CDKAL1: variants seen among roughly 807,000 people sequenced by gnomAD.
CDKAL1 encodes the protein CDKAL1 threonylcarbamoyladenosine tRNA methylthiotransferase.
In CDKAL1, 32 loss-of-function variants were observed where a neutral mutation model predicts 68.2. The ratio of observed to expected loss-of-function variants is 0.47; its 90% CI spans 0.35 to 0.63. The LOEUF (loss-of-function observed/expected upper bound fraction) is 0.63, where lower values mean the gene tolerates loss of function less well. Ranked by LOEUF, CDKAL1 falls within the 30% of genes least tolerant of loss-of-function variation. The pLI, the probability that CDKAL1 is intolerant of heterozygous loss-of-function variation, is 0.00. For synonymous variants in CDKAL1, 234 were observed against 244.3 expected, an observed-to-expected ratio of 0.96 and a Z score of 0.39; for missense variants, 606 against 696.7, an observed-to-expected ratio of 0.87 and a Z score of 1.47.
At chr6:20,556,505 A>G (rs1325092502) in intron 4 of CDKAL1, among the ~76,000 whole-genome samples, 4 of 152,222 alleles carry the variant, frequency 2.6e-5, no homozygotes, top group Non-Finnish European at 4.4e-5. Flanking sequence ...TGGAAATTCT[A>G]GTGGATTCAA....
chr6:21,053,689 T>G (rs1244169136), intron 11 of CDKAL1, among the ~76,000 whole-genome samples: 2 of 152,160 alleles, frequency 1.3e-5, no homozygotes, highest in Non-Finnish European at 2.9e-5. Context: ...GCATTTTACA[T>G]GGTTTTAACT....
chr6:20,921,093 G>A (rs1037045551), intron 9 of CDKAL1, among the ~76,000 whole-genome samples: 17 of 152,050 alleles, frequency 1.1e-4, no homozygotes, highest in African/African-American at 2.2e-4. Context: ...TCTTTGAGCC[G>A]TACACACCCC....
At chr6:20,962,253 T>A (rs1765094788) in intron 10 of CDKAL1, among the ~76,000 whole-genome samples, 1 of 152,244 alleles carries the variant, frequency 6.6e-6, no homozygotes, top group South Asian at 2.1e-4. Context: ...TTGCTCAAGA[T>A]TTATAGCTAG....
At chr6:21,217,881 C>T (rs535503945) in intron 15 of CDKAL1, among the ~76,000 whole-genome samples, 209 of 152,294 alleles carry the variant, frequency 1.4e-3, no homozygotes, top group African/African-American at 4.9e-3. Flanking sequence ...CTTTGGCCTC[C>T]CAAAGTACTG....
chr6:20,762,656 A>AT (rs1288079724), intron 7 of CDKAL1, among the ~76,000 whole-genome samples: 1 of 152,226 alleles, frequency 6.6e-6, no homozygotes, highest in Admixed American at 6.5e-5. Context: ...TCAGCTTAAA[A>AT]TGGTCAGGAT....
chr6:20,631,156 C>G (rs1394118569), intron 4 of CDKAL1, among the ~76,000 whole-genome samples: 1 of 152,182 alleles, frequency 6.6e-6, no homozygotes, highest in African/African-American at 2.4e-5. Context: ...TTTTGAAGTT[C>G]TGCCCACCTG....
chr6:20,915,068 C>T (rs1476775864), intron 9 of CDKAL1, among the ~76,000 whole-genome samples: 3 of 151,626 alleles, frequency 2.0e-5, no homozygotes, highest in African/African-American at 4.8e-5. Context: ...CCATTAAACT[C>T]TTAATCCTTA....
At chr6:20,985,779 G>A (rs1049855754) in intron 10 of CDKAL1, among the ~76,000 whole-genome samples, 3 of 151,542 alleles carry the variant, frequency 2.0e-5, no homozygotes, top group African/African-American at 7.3e-5. Context: ...TTCCAACCTG[G>A]ATGATGGAGT....
chr6:20,666,486 G>A (rs377551530), intron 5 of CDKAL1, among the ~76,000 whole-genome samples: 1 of 152,008 alleles, frequency 6.6e-6, no homozygotes. Flanking sequence ...CTGTTTGCTA[G>A]GATAGGAACA....
At chr6:20,717,952 G>C (rs372351835) in intron 5 of CDKAL1, among the ~76,000 whole-genome samples, 1 of 152,156 alleles carries the variant, frequency 6.6e-6, no homozygotes, top group Admixed American at 6.5e-5. Context: ...GCAGCCTCCA[G>C]GTCTTGAGAG....
intron 4 of CDKAL1, among the ~76,000 whole-genome samples, chr6:20,619,787 G>A (rs1369287254): frequency 6.6e-6 from 1 of 152,144 alleles, no homozygotes; most frequent in Non-Finnish European, 1.5e-5. Context: ...GATTTAATGA[G>A]GCACTTGTTT....
intron 11 of CDKAL1, among the ~76,000 whole-genome samples, chr6:21,038,527 A>T (rs1362222743): frequency 6.6e-6 from 1 of 152,196 alleles, no homozygotes; most frequent in Admixed American, 6.5e-5. Context: ...TCTTTTTTGT[A>T]CCAATCTGAA....
intron 5 of CDKAL1, among the ~76,000 whole-genome samples, chr6:20,656,404 G>A (rs1198117565): frequency 6.6e-6 from 1 of 152,240 alleles, no homozygotes; most frequent in East Asian, 1.9e-4. Flanking sequence ...TTAGGGTCAA[G>A]TTTAGGAGCA....
chr6:20,810,699 TTCTC>T lies in CDKAL1; in HGVS notation c.638+29439_638+29442del, dbSNP rs1168803277. ...GCTAAAAAAAAAAAGTGTTTATTCA[TTCTC>T]TCTCCTCTCTCTGGAAAACAAAACA... On this transcript the variant is annotated intron_variant, in intron 8 of 15. Coordinates refer to ENST00000274695, the MANE Select transcript of CDKAL1 (RefSeq NM_017774.3). Among the ~76,000 whole-genome samples, 35 of 150,464 alleles carry T rather than the reference TTCTC, an allele frequency of 2.3e-4. 1 individual carries two copies. The highest frequency in any genetic ancestry group is 1.5e-3 in the South Asian group (7 of 4,662).
rs117181314 is a variant in CDKAL1 at position 20,885,874 on chromosome 6, G to A, written c.742+39696G>A. 5.6e-4 allele frequency among the ~76,000 whole-genome samples: 85 copies of A among 152,236 alleles called. No individual in the cohort carries two copies. In the East Asian group the frequency reaches 0.012, roughly 21 times the overall value. On this transcript the variant is annotated intron_variant, in intron 9 of 15. Transcript: ENST00000274695. Reference sequence around the variant, plus strand: ...AGGTGCATCAGATCACTTGAGGTCAGAAGTTGGAGACCAGCTTGGCCAATA... The same window carrying A: ...AGGTGCATCAGATCACTTGAGGTCAAAAGTTGGAGACCAGCTTGGCCAATA...
At chr6:21,205,767 G>A (rs565703040) in intron 15 of CDKAL1, among the ~76,000 whole-genome samples, 24 of 149,420 alleles carry the variant, frequency 1.6e-4, no homozygotes, top group Admixed American at 7.4e-4. Context: ...TCCTGACCTC[G>A]TGATCTGCCC....
chr6:20,935,121 C>T (rs528416292), intron 9 of CDKAL1, among the ~76,000 whole-genome samples: 14 of 152,048 alleles, frequency 9.2e-5, no homozygotes, highest in Admixed American at 5.2e-4. Flanking sequence ...GTCTTGAACT[C>T]GTGACCTCAA....
At chr6:21,137,709 T>G (rs1480677835) in intron 13 of CDKAL1, among the ~76,000 whole-genome samples, 1 of 152,212 alleles carries the variant, frequency 6.6e-6, no homozygotes, top group Non-Finnish European at 1.5e-5. Context: ...TGTTTTCAGA[T>G]GGCAGAAACA....
chr6:20,992,762 C>T (rs1251403952), intron 10 of CDKAL1, among the ~76,000 whole-genome samples: 1 of 151,748 alleles, frequency 6.6e-6, no homozygotes, highest in Admixed American at 6.6e-5. Flanking sequence ...ATTAGCCTGG[C>T]GTGGTGGCAT....
Sources: gnomAD v4.1 joint callset for allele counts (sites outside exome capture counted in the v4.1 genomes callset) on GRCh38, gnomAD v4.1.1 for gene constraint, MANE v1.5 for transcripts, NCBI Gene and HGNC (gene_info 2026-07-23, HGNC 2026-07-21) for gene names.